FBN2: variants seen among roughly 807,000 people sequenced by gnomAD.
FBN2 encodes the protein fibrillin-2.
FBN2 carries 105 observed loss-of-function variants against 355.6 expected under a neutral mutation model. That is an observed-to-expected ratio of 0.30 (90% CI 0.25 to 0.35). The LOEUF (loss-of-function observed/expected upper bound fraction) is 0.35, where lower values mean the gene tolerates loss of function less well. FBN2 is among the 10% of genes least tolerant of loss of function. FBN2 has a pLI of 1.00. For missense variants in FBN2, 3,280 were observed against 3,758.7 expected (o/e 0.87, Z 3.33); for synonymous variants, 1,350 against 1,301.2 (o/e 1.04, Z -0.81).
intron 33 of FBN2, 37 bp from the exon 34 acceptor site, chr5:128,328,858 C>A: frequency 1.9e-6 from 3 of 1,611,874 alleles, no homozygotes; most frequent in Non-Finnish European, 1.7e-6. Context: ...TGTTAAGTTC[C>A]AAATTTCATG....
intron 5 of FBN2, among the ~76,000 whole-genome samples, chr5:128,491,131 C>A (rs186964314): frequency 5.9e-5 from 9 of 151,986 alleles, no homozygotes; most frequent in Non-Finnish European, 5.9e-5. Flanking sequence ...GGTAAGGAGA[C>A]GAGAAAATTA....
chr5:128,434,416 ATATATATATG>A (rs2127036027), intron 7 of FBN2, among the ~76,000 whole-genome samples: 1 of 117,118 alleles, frequency 8.5e-6, no homozygotes, highest in African/African-American at 3.5e-5. Flanking sequence ...ATATATATAT[ATATATATATG>A]GGCAGTAAGT....
intron 5 of FBN2, among the ~76,000 whole-genome samples, chr5:128,474,503 C>A (rs540476690): frequency 3.3e-5 from 5 of 152,228 alleles, no homozygotes; most frequent in Admixed American, 3.3e-4. Flanking sequence ...CCAATAGAAA[C>A]AAGGTGCTTG....
chr5:128,507,518 T>C (rs540833337), intron 5 of FBN2, among the ~76,000 whole-genome samples: 3 of 152,204 alleles, frequency 2.0e-5, no homozygotes, highest in African/African-American at 7.2e-5. Context: ...TGTTGTACTG[T>C]TATTTTTATT....
intron 30 of FBN2, 49 bp from the exon 31 acceptor site, chr5:128,334,893 T>C (rs1277357155): frequency 6.6e-7 from 1 of 1,526,096 alleles, no homozygotes; most frequent in African/African-American, 1.4e-5. Context: ...CACAGTAATT[T>C]AAAAGCTATC....
At chr5:128,477,938 C>T (rs1426282369) in intron 5 of FBN2, among the ~76,000 whole-genome samples, 2 of 152,162 alleles carry the variant, frequency 1.3e-5, no homozygotes, top group African/African-American at 4.8e-5. Flanking sequence ...ATAAATTAGC[C>T]TGGTTTATTC....
In FBN2 at chr5:128,393,999, A is replaced by G. The variant is rs79689285; in HGVS notation, c.1232-631T>C. ...CACTGTATCAGAAGGAAAAAAAATT[A>G]TTAATTATATACTACTAGTGGAACT... On this transcript the variant is annotated intron_variant, in intron 9 of 64. Transcript: ENST00000262464. Among the ~76,000 whole-genome samples, 523 of 152,324 alleles carry G rather than the reference A, an allele frequency of 3.4e-3. 2 individuals are homozygous for G. Among genetic ancestry groups the G allele is most frequent in the Middle Eastern group, 0.027 (8 of 294 alleles).
At position 128,537,414 on chromosome 5, in the gene FBN2, G is replaced by A; in HGVS notation, c.190C>T (p.Arg64Cys). Residue 64 changes from arginine to cysteine, a missense_variant, in exon 1 of 65, where the codon CGC becomes TGC. Transcript: ENST00000262464. ...CTGGCCACTGCGGCACCCTCCTCGCGATACTCGGGCGCTAGAAACCCGCCT... is the reference window on the plus strand; with the variant it reads ...CTGGCCACTGCGGCACCCTCCTCGCAATACTCGGGCGCTAGAAACCCGCCT... Reference protein sequence around the residue: ...SEGGFLAPEYREEGAAVASRV... With the variant: ...SEGGFLAPEYCEEGAAVASRV... 6.2e-7 allele frequency: 1 copy of A among 1,609,962 alleles called. No homozygotes were observed. Among genetic ancestry groups the A allele is most frequent in the Non-Finnish European group, 8.5e-7 (1 of 1,179,368 alleles).
At chr5:128,364,778 T>C in intron 17 of FBN2, 53 bp from the exon 18 acceptor site, 2 of 1,500,890 alleles carry the variant, frequency 1.3e-6, no homozygotes, top group South Asian at 2.3e-5. Context: ...TATTGTTTGT[T>C]GATAAATGCA....
chr5:128,472,793 G>GAA (rs11348827), intron 5 of FBN2, among the ~76,000 whole-genome samples: 2 of 133,734 alleles, frequency 1.5e-5, no homozygotes, highest in Non-Finnish European at 1.7e-5. Flanking sequence ...CTCCGTCTCA[G>GAA]AAAAAAAAAA....
rs863223595 is a variant in FBN2 at position 128,377,837 on chromosome 5, G to GT, written c.1763dup (p.Asn588LysfsTer20). On this transcript the variant is annotated frameshift_variant, in exon 13 of 65. Coordinates refer to ENST00000262464, the MANE Select transcript of FBN2 (RefSeq NM_001999.4). LOFTEE classifies it high-confidence loss of function. ...TTCCATCTGTGTTCACGCATCGACC[G>GT]TTTTTACAAAGAACCCCATTCTGGA... 6.2e-7 allele frequency: 1 copy of GT among 1,613,296 alleles called. No individual in the cohort carries two copies. Among genetic ancestry groups the GT allele is most frequent in the Non-Finnish European group, 8.5e-7 (1 of 1,179,408 alleles).
intron 23 of FBN2, among the ~76,000 whole-genome samples, chr5:128,348,696 T>C (rs1351627090): frequency 2.6e-5 from 4 of 152,064 alleles, no homozygotes; most frequent in Non-Finnish European, 5.9e-5. Context: ...AAAATCTCTG[T>C]AGGTAAATGA....
At chr5:128,517,128 A>T (rs1756301525) in intron 5 of FBN2, among the ~76,000 whole-genome samples, 1 of 152,202 alleles carries the variant, frequency 6.6e-6, no homozygotes, top group Non-Finnish European at 1.5e-5. Flanking sequence ...TCTTTATTGA[A>T]TTCTCAGAAA....
intron 5 of FBN2, among the ~76,000 whole-genome samples, chr5:128,498,812 T>C (rs58295967): frequency 0.11 from 16,097 of 152,248 alleles, 1,023 homozygotes; most frequent in African/African-American, 0.18. Context: ...AATCTTACTA[T>C]AATCTACAAA....
At chr5:128,356,403 G>A (rs1368880024) in intron 20 of FBN2, among the ~76,000 whole-genome samples, 1 of 152,118 alleles carries the variant, frequency 6.6e-6, no homozygotes. Flanking sequence ...TATTGTCTTC[G>A]ACAAATATGA....
At chr5:128,506,133 A>G (rs1391411242) in intron 5 of FBN2, among the ~76,000 whole-genome samples, 2 of 152,178 alleles carry the variant, frequency 1.3e-5, no homozygotes, top group Non-Finnish European at 2.9e-5. Flanking sequence ...TTTAGTTTGC[A>G]TTTCCCTAAT....
chr5:128,277,207 C>A (rs1765416955), intron 58 of FBN2, among the ~76,000 whole-genome samples: 1 of 152,026 alleles, frequency 6.6e-6, no homozygotes, highest in African/African-American at 2.4e-5. Flanking sequence ...AAAATTTTTT[C>A]TTTAATAAAA....
intron 4 of FBN2, among the ~76,000 whole-genome samples, chr5:128,521,981 C>T (rs897501863): frequency 2.6e-5 from 4 of 152,016 alleles, no homozygotes; most frequent in African/African-American, 9.7e-5. Context: ...AAATATTTAT[C>T]TTAGCTTATA....
chr5:128,524,944 T>C (rs1561498151), intron 4 of FBN2, among the ~76,000 whole-genome samples: 2 of 152,140 alleles, frequency 1.3e-5, no homozygotes, highest in Non-Finnish European at 2.9e-5. Context: ...GTAACATCAA[T>C]ATGGTTTGAC....
Sources: allele counts gnomAD v4.1 joint callset (sites outside exome capture counted in the v4.1 genomes callset), GRCh38; gene constraint gnomAD v4.1.1; transcripts MANE v1.5; gene names NCBI Gene and HGNC (gene_info 2026-07-23, HGNC 2026-07-21).